Variants in EPB41L2 observed in about 807,000 individuals in gnomAD.
EPB41L2 encodes erythrocyte membrane protein band 4.1 like 2.
In EPB41L2, 43 loss-of-function variants were observed where a neutral mutation model predicts 113.0. That is an observed-to-expected ratio of 0.38 (90% CI 0.30 to 0.49). The LOEUF is 0.49. EPB41L2 is among the 20% of genes least tolerant of loss of function. The probability of loss-of-function intolerance (pLI) is 0.95; values close to 1 mark genes in which losing one functional copy is unlikely to be tolerated. For synonymous variants in EPB41L2, 442 were observed against 436.7 expected, an observed-to-expected ratio of 1.01 and a Z score of -0.15; for missense variants, 1,147 against 1,223.4, an observed-to-expected ratio of 0.94 and a Z score of 0.93.
chr6:131,044,851 G>A (rs1053383591), intron 1 of EPB41L2, among the ~76,000 whole-genome samples: 5 of 152,198 alleles, frequency 3.3e-5, no homozygotes, highest in Non-Finnish European at 7.3e-5. Flanking sequence ...AATTAAGTTT[G>A]TGGACTATTG....
At chr6:130,899,792 A>ATACC (rs10682931) in intron 7 of EPB41L2, among the ~76,000 whole-genome samples, 62,378 of 151,596 alleles carry the variant, frequency 0.41, 15,221 homozygotes, top group Non-Finnish European at 0.52. Context: ...GCATGGAGGT[A>ATACC]TACCTCCACT....
chr6:131,010,633 G>A (rs1168326561), intron 1 of EPB41L2, among the ~76,000 whole-genome samples: 3 of 151,838 alleles, frequency 2.0e-5, no homozygotes, highest in Admixed American at 6.6e-5. Context: ...GGCTGGTCTC[G>A]AACTCCTGAC....
At chr6:130,991,310 A>G (rs1350240143) in intron 1 of EPB41L2, among the ~76,000 whole-genome samples, 2 of 152,194 alleles carry the variant, frequency 1.3e-5, no homozygotes, top group Non-Finnish European at 2.9e-5. Flanking sequence ...TGGTAGTCAT[A>G]TGGGTGCTAA....
intron 4 of EPB41L2, among the ~76,000 whole-genome samples, chr6:130,923,367 C>CA (rs35124874): frequency 6.6e-6 from 1 of 152,138 alleles, no homozygotes; most frequent in Non-Finnish European, 1.5e-5. Context: ...TTTTTCTTAG[C>CA]AAAAAGGAAA....
chr6:130,895,277 G>A (rs1418518682), intron 8 of EPB41L2, among the ~76,000 whole-genome samples, 158 bp from the exon 9 acceptor site: 1 of 152,100 alleles, frequency 6.6e-6, no homozygotes, highest in East Asian at 1.9e-4. Context: ...AAACTATGGC[G>A]CACACACATA....
intron 11 of EPB41L2, among the ~76,000 whole-genome samples, chr6:130,886,519 C>T (rs1023919059): frequency 6.6e-6 from 1 of 152,166 alleles, no homozygotes; most frequent in African/African-American, 2.4e-5. Context: ...TGGAGATTTT[C>T]CCAGCCCTTA....
intron 19 of EPB41L2, among the ~76,000 whole-genome samples, chr6:130,855,252 A>C (rs1779866558): frequency 6.6e-6 from 1 of 151,554 alleles, no homozygotes; most frequent in Non-Finnish European, 1.5e-5. Context: ...TGGGAGGCTG[A>C]GGCAGGCAGA....
intron 1 of EPB41L2, chr6:131,013,510 G>T (rs1176753559): frequency 6.6e-6 from 1 of 151,966 alleles, no homozygotes; most frequent in Admixed American, 6.6e-5. Flanking sequence ...CTTTATAAAA[G>T]AAATTTTCTA....
intron 4 of EPB41L2, among the ~76,000 whole-genome samples, chr6:130,922,405 A>T (rs1461674500): frequency 6.6e-6 from 1 of 152,224 alleles, no homozygotes; most frequent in South Asian, 2.1e-4. Flanking sequence ...TTCTACTTCC[A>T]GTTGTGATAG....
intron 18 of EPB41L2, 96 bp downstream of exon 18, chr6:130,863,542 G>A: frequency 1.2e-6 from 1 of 818,356 alleles, no homozygotes; most frequent in South Asian, 1.6e-5. Flanking sequence ...GGAGGTTTGG[G>A]GAGAAGAGGT....
intron 1 of EPB41L2, among the ~76,000 whole-genome samples, chr6:131,000,251 T>A (rs1784070210): frequency 6.6e-6 from 1 of 152,042 alleles, no homozygotes; most frequent in Non-Finnish European, 1.5e-5. Flanking sequence ...ACTGTTCAAG[T>A]TGGTGTTAAA....
rs958855006 is a variant in EPB41L2 at position 130,900,943 on chromosome 6, A to C, written c.1148+19T>G. 6.2e-7 allele frequency: 1 copy of C among 1,612,404 alleles called. No individual in the cohort carries two copies. The highest frequency in any genetic ancestry group is 8.5e-7 in the Non-Finnish European group (1 of 1,178,424). On this transcript the variant is annotated intron_variant, in intron 7 of 19. Coordinates refer to ENST00000337057, the MANE Select transcript of EPB41L2 (RefSeq NM_001431.4). ...TAAATCTCCCATGGCCATTCTCTCC[A>C]GTAAGCAAGGCAACAGACCTGTGGG...
In EPB41L2 at chr6:130,895,127, G is replaced by A; in HGVS notation, c.1237-8C>T. The A allele has an allele frequency of 6.3e-7, 1 of 1,599,688 alleles. No individual in the cohort carries two copies. The highest frequency in any genetic ancestry group is 2.3e-5 in the East Asian group (1 of 44,392). On this transcript the variant is annotated splice_polypyrimidine_tract_variant and splice_region_variant and intron_variant, in intron 8 of 19. Coordinates refer to ENST00000337057, the MANE Select transcript of EPB41L2 (RefSeq NM_001431.4). Reference sequence around the variant, plus strand: ...GTCCACACCTTCTGAGTCCTGCCAAGCATAACCCAATTAACCATGGTTAAG... The same window carrying A: ...GTCCACACCTTCTGAGTCCTGCCAAACATAACCCAATTAACCATGGTTAAG...
chr6:130,943,024 C>A (rs185894277), intron 3 of EPB41L2, among the ~76,000 whole-genome samples: 1 of 152,162 alleles, frequency 6.6e-6, no homozygotes, highest in Non-Finnish European at 1.5e-5. Context: ...GGTTCCAAGT[C>A]TTTGCTACTG....
Position 130,955,284 on chromosome 6 carries a change from T to C in EPB41L2, c.526A>G (p.Lys176Glu). Residue 176 changes from lysine to glutamate, a missense_variant, in exon 3 of 20, where the codon AAG becomes GAG. By Grantham distance (56) the Lys-to-Glu change is moderately conservative (BLOSUM62 1). Coordinates refer to ENST00000337057, the MANE Select transcript of EPB41L2 (RefSeq NM_001431.4). ...TTGTCTTCCTGTGTTTCTTTTACCT[T>C]CTCTTCTCTCTCCTTACTTACTAAT... ...TELVSKEREE[K>E]VKETQEDKLE... 3 of 1,613,698 alleles carry C rather than the reference T, an allele frequency of 1.9e-6. No individual in the cohort carries two copies. The highest frequency in any genetic ancestry group is 2.5e-6 in the Non-Finnish European group (3 of 1,180,004).
intron 19 of EPB41L2, among the ~76,000 whole-genome samples, chr6:130,844,476 G>T (rs1055260337): frequency 6.6e-6 from 1 of 152,052 alleles, no homozygotes; most frequent in Non-Finnish European, 1.5e-5. Context: ...GGAGGCTGAG[G>T]CAGGAGAATC....
chr6:130,900,654 T>C (rs185883552), intron 7 of EPB41L2, among the ~76,000 whole-genome samples: 19 of 152,178 alleles, frequency 1.2e-4, no homozygotes, highest in Non-Finnish European at 2.8e-4. Context: ...CAAATAAGTA[T>C]GTGGACATGT....
At chr6:130,945,007 C>A (rs768284794) in intron 3 of EPB41L2, among the ~76,000 whole-genome samples, 1 of 152,170 alleles carries the variant, frequency 6.6e-6, no homozygotes, top group Non-Finnish European at 1.5e-5. Context: ...CTGTTTTAAG[C>A]TAAAAGGATA....
chr6:130,954,050 T>C (rs1409559145), intron 3 of EPB41L2, among the ~76,000 whole-genome samples: 1,380 of 95,896 alleles, frequency 0.014, 65 homozygotes, highest in African/African-American at 0.048. Flanking sequence ...CTTTTTTTTT[T>C]TTTTTTTTTT....
Sources: gnomAD v4.1 joint callset for allele counts (sites outside exome capture counted in the v4.1 genomes callset) on GRCh38, gnomAD v4.1.1 for gene constraint, MANE v1.5 for transcripts, NCBI Gene and HGNC (gene_info 2026-07-23, HGNC 2026-07-21) for gene names.